FNDC1: variants seen among roughly 807,000 people sequenced by gnomAD.
FNDC1 encodes the protein fibronectin type III domain-containing protein 1.
In FNDC1, 96 loss-of-function variants were observed where a neutral mutation model predicts 168.0. The observed-to-expected ratio is 0.57, with a 90% CI of 0.48 to 0.68. The LOEUF is 0.68. FNDC1 is among the 30% of genes least tolerant of loss of function. The pLI, the probability that FNDC1 is intolerant of heterozygous loss-of-function variation, is 0.00. For missense variants in FNDC1, 2,587 were observed against 2,482.1 expected (o/e 1.04, Z -0.90); for synonymous variants, 1,099 against 1,025.9 (o/e 1.07, Z -1.36).
chr6:159,181,110 C>T (rs778924478), intron 1 of FNDC1, among the ~76,000 whole-genome samples: 7 of 152,120 alleles, frequency 4.6e-5, no homozygotes, highest in Non-Finnish European at 8.8e-5. Flanking sequence ...AATGTAAAAA[C>T]GTTCCTATTT....
At chr6:159,235,507 A>C (rs1414205245) in intron 11 of FNDC1, among the ~76,000 whole-genome samples, 1 of 152,180 alleles carries the variant, frequency 6.6e-6, no homozygotes, top group Non-Finnish European at 1.5e-5. Context: ...TATTTAATAA[A>C]TAAATGAAGG....
chr6:159,208,480 G>A (rs1005100241), intron 4 of FNDC1, among the ~76,000 whole-genome samples: 1 of 152,216 alleles, frequency 6.6e-6, no homozygotes, highest in African/African-American at 2.4e-5. Context: ...GTCGTGGGAA[G>A]GGCTTCATGG....
At position 159,229,869 on chromosome 6, in the gene FNDC1, C is replaced by T. The variant is rs756429306; in HGVS notation, c.1235C>T (p.Thr412Ile). ...AAACCATTTGGAGCAAAGTCCCTCA[C>T]CTATCCTGGAGACACTACTTCTGCC... ...ALKPFGAKSL[T>I]YPGDTTSALV... Residue 412 changes from threonine to isoleucine, a missense_variant, in exon 10 of 23, where the codon ACC becomes ATC. Transcript: ENST00000297267. 1.2e-5 allele frequency: 19 copies of T among 1,613,818 alleles called. No individual in the cohort carries two copies. The highest frequency in any genetic ancestry group is 8.5e-7 in the Non-Finnish European group (1 of 1,179,844).
At chr6:159,261,348 G>C in intron 19 of FNDC1, 79 bp downstream of exon 19, 1 of 975,994 alleles carries the variant, frequency 1.0e-6, no homozygotes, top group Middle Eastern at 2.1e-4. Flanking sequence ...GGCTACAATA[G>C]AATAAATCCT....
intron 14 of FNDC1, 24 bp downstream of exon 14, chr6:159,239,981 A>G (rs906518505): frequency 2.0e-5 from 29 of 1,461,392 alleles, no homozygotes; most frequent in Middle Eastern, 1.8e-4. Flanking sequence ...TTCTAATGCT[A>G]ACTACTTACC....
At chr6:159,216,098 A>G (rs1254722693) in intron 5 of FNDC1, among the ~76,000 whole-genome samples, 1 of 151,998 alleles carries the variant, frequency 6.6e-6, no homozygotes, top group Non-Finnish European at 1.5e-5. Flanking sequence ...AGTAGCTGGG[A>G]CTACAGGCAC....
intron 22 of FNDC1, among the ~76,000 whole-genome samples, 176 bp from the exon 23 acceptor site, chr6:159,271,151 C>A (rs575007089): frequency 6.6e-6 from 1 of 152,134 alleles, no homozygotes; most frequent in Admixed American, 6.5e-5. Flanking sequence ...AGGTCCTGGC[C>A]CTTCCCCAGG....
rs1777753344 is a variant in FNDC1 at position 159,271,768 on chromosome 6, C to G, written c.*326C>G. 4.4e-6 allele frequency: 1 copy of G among 229,794 alleles called. No homozygotes were observed. The highest frequency in any genetic ancestry group is 2.3e-5 in the African/African-American group (1 of 43,564). The allele number at this position is 229,794 out of a possible 1,614,324, so 14.2% of individuals were successfully genotyped here. The stretch of plus-strand genomic sequence containing the variant: ...ACTTTTTAGGCATGAAATTCGGACA[C>G]TTCAGTATTTCCAGGAATAGCATAT... On this transcript the variant is annotated 3_prime_UTR_variant, in exon 23 of 23. Transcript: ENST00000297267.
intron 1 of FNDC1, among the ~76,000 whole-genome samples, chr6:159,170,186 G>A (rs797008131): frequency 6.6e-6 from 1 of 152,146 alleles, no homozygotes; most frequent in Non-Finnish European, 1.5e-5. Flanking sequence ...GAAAGGCTGC[G>A]AGCTGCCGCA....
At chr6:159,205,087 C>A (rs1451956642) in intron 4 of FNDC1, among the ~76,000 whole-genome samples, 1 of 152,202 alleles carries the variant, frequency 6.6e-6, no homozygotes, top group Non-Finnish European at 1.5e-5. Context: ...TCTTGGAAAG[C>A]ATGGTAGACC....
At chr6:159,190,050 G>A (rs1782099192) in intron 1 of FNDC1, among the ~76,000 whole-genome samples, 1 of 152,200 alleles carries the variant, frequency 6.6e-6, no homozygotes. Flanking sequence ...CTGGGGTCCT[G>A]ATAGGGGCGG....
At chr6:159,258,694 G>T (rs1159533477) in intron 18 of FNDC1, among the ~76,000 whole-genome samples, 3 of 152,232 alleles carry the variant, frequency 2.0e-5, no homozygotes, top group South Asian at 2.1e-4. Flanking sequence ...TCTTCTGGTA[G>T]AGACGCTGGC....
Position 159,233,582 on chromosome 6 carries a change from G to T in FNDC1, c.3070G>T (p.Ala1024Ser). The T allele has an allele frequency of 6.3e-7, 1 of 1,585,340 alleles. No individual in the cohort carries two copies. Among genetic ancestry groups the T allele is most frequent in the South Asian group, 1.1e-5 (1 of 87,440 alleles). Residue 1024 changes from alanine (A) to serine (S), a missense_variant, in exon 11 of 23, where the codon GCG becomes TCG. Transcript: ENST00000297267. This position sits in a 1 kb window ranked among gnomAD's most constrained non-coding sequence, Gnocchi z 4.6. ...QHHPGPQSRD[A>S]GRSPSQPRLS... The stretch of plus-strand genomic sequence containing the variant: ...CCACCCGGGACCCCAGAGCAGAGAC[G>T]CGGGTCGGTCACCTTCCCAGCCCAG...
rs76597021 is a variant in FNDC1 at position 159,251,944 on chromosome 6, G to A, written c.5065+412G>A. Among the ~76,000 whole-genome samples the A allele has an allele frequency of 9.4e-3, 1,438 of 152,190 alleles. 23 individuals are homozygous for A. Among genetic ancestry groups the A allele is most frequent in the African/African-American group, 0.033 (1,374 of 41,526 alleles). On this transcript the variant is annotated intron_variant, in intron 17 of 22. Coordinates refer to ENST00000297267, the MANE Select transcript of FNDC1 (RefSeq NM_032532.3). The stretch of plus-strand genomic sequence containing the variant: ...GCAGTGAGCGTGACCATAAGCTCCC[G>A]CTGGGCCACACATTTGTCCCTTTTT...
intron 22 of FNDC1, among the ~76,000 whole-genome samples, chr6:159,269,876 C>T (rs961870280): frequency 6.6e-6 from 1 of 152,132 alleles, no homozygotes; most frequent in Non-Finnish European, 1.5e-5. Context: ...GTCACCTGCT[C>T]TAGTCAGTCT....
At chr6:159,187,874 C>G (rs988106080) in intron 1 of FNDC1, among the ~76,000 whole-genome samples, 5 of 152,182 alleles carry the variant, frequency 3.3e-5, no homozygotes, top group Non-Finnish European at 5.9e-5. Context: ...TGAATGATAG[C>G]TTCATTTTTC....
intron 4 of FNDC1, among the ~76,000 whole-genome samples, chr6:159,212,163 C>T (rs377602368): frequency 2.6e-5 from 4 of 152,344 alleles, no homozygotes; most frequent in African/African-American, 9.6e-5. Flanking sequence ...CTGTTATCAG[C>T]CAGTTCTGAG....
At chr6:159,211,055 C>A (rs1011902046) in intron 4 of FNDC1, among the ~76,000 whole-genome samples, 7 of 152,158 alleles carry the variant, frequency 4.6e-5, no homozygotes, top group Non-Finnish European at 8.8e-5. Flanking sequence ...CACCCCCTGA[C>A]CCCCACCCCC....
chr6:159,205,420 C>A (rs1386251599), intron 4 of FNDC1, among the ~76,000 whole-genome samples: 3 of 152,124 alleles, frequency 2.0e-5, no homozygotes, highest in Non-Finnish European at 4.4e-5. Flanking sequence ...AAACTCTAAA[C>A]CTAGTGTCTT....
Sources: gnomAD v4.1 joint callset for allele counts (sites outside exome capture counted in the v4.1 genomes callset) on GRCh38, gnomAD v4.1.1 for gene constraint, Gnocchi (gnomAD v3.1) non-coding constraint, MANE v1.5 for transcripts, NCBI Gene and HGNC (gene_info 2026-07-23, HGNC 2026-07-21) for gene names.